MAP7D3: variants seen among roughly 807,000 people sequenced by gnomAD.
MAP7D3 encodes MAP7 domain containing 3, also known as MAP7 domain-containing protein 3.
Under a neutral mutation model 62.2 loss-of-function variants are expected in MAP7D3, and 45 were observed. The ratio of observed to expected loss-of-function variants is 0.72; its 90% CI spans 0.57 to 0.93. The LOEUF is 0.93. Ranked by LOEUF, MAP7D3 falls within the 40% of genes least tolerant of loss-of-function variation. The pLI, the probability that MAP7D3 is intolerant of heterozygous loss-of-function variation, is 0.00. For missense variants in MAP7D3, 711 were observed against 683.1 expected, an observed-to-expected ratio of 1.04 and a Z score of -0.45; for synonymous variants, 288 against 248.8, an observed-to-expected ratio of 1.16 and a Z score of -1.48.
At position 136,244,809 on chromosome X, in the gene MAP7D3, A is replaced by C; in HGVS notation, c.254-14T>G. ...TTTCTTTATTGGCTGAAATATTCCA[A>C]ATACATTTTCAAGGTGTAAGAGCCA... is the stretch of plus-strand genomic sequence containing the variant. On this transcript the variant is annotated splice_polypyrimidine_tract_variant and intron_variant, in intron 3 of 18. Coordinates refer to ENST00000316077, the MANE Select transcript of MAP7D3 (RefSeq NM_024597.4). 8.5e-7 allele frequency: 1 copy of C among 1,169,929 alleles called. No individual in the cohort carries two copies. Among genetic ancestry groups the C allele is most frequent in the Non-Finnish European group, 1.1e-6 (1 of 870,022 alleles).
downstream of MAP7D3, among the ~76,000 whole-genome samples, chrX:136,215,385 T>C (rs1266436092): frequency 2.7e-5 from 3 of 111,546 alleles, no homozygotes; most frequent in Admixed American, 1.9e-4. Flanking sequence ...GAGAACCCTA[T>C]TGTGAACCAC....
At chrX:136,234,531 C>G (rs1291865947) in intron 7 of MAP7D3, among the ~76,000 whole-genome samples, 2 of 112,380 alleles carry the variant, frequency 1.8e-5, no homozygotes, top group African/African-American at 6.5e-5. Flanking sequence ...TACAAATTAC[C>G]TGTCTCCCAT....
chrX:136,224,972 G>A, intron 13 of MAP7D3, 92 bp from the exon 14 acceptor site: 1 of 578,711 alleles, frequency 1.7e-6, no homozygotes, highest in Non-Finnish European at 2.8e-6. Flanking sequence ...TTTCACAGAG[G>A]TGCACAATGG....
At chrX:136,221,667 T>C (rs1476934472) in intron 15 of MAP7D3, 1 of 112,846 alleles carries the variant, frequency 8.9e-6, no homozygotes, top group Non-Finnish European at 1.9e-5. Context: ...CTTTCCTCAA[T>C]GCCCTAAGGC....
intron 1 of MAP7D3, among the ~76,000 whole-genome samples, chrX:136,247,228 CAT>C (rs755891576): frequency 9.8e-5 from 11 of 112,281 alleles, no homozygotes; most frequent in Admixed American, 1.9e-4. Context: ...GGATGACACA[CAT>C]GAGTTATTAT....
At chrX:136,224,974 G>C in intron 13 of MAP7D3, 94 bp from the exon 14 acceptor site, 1 of 570,311 alleles carries the variant, frequency 1.8e-6, no homozygotes, top group Non-Finnish European at 2.8e-6. Flanking sequence ...TCACAGAGGT[G>C]CACAATGGCA....
rs191437836 is a variant in MAP7D3, at chrX:136,220,474, G to C, written c.2486+291C>G. 1.9e-3 allele frequency among the ~76,000 whole-genome samples: 211 copies of C among 112,393 alleles called. 2 individuals carry two copies. The South Asian group carries it at 0.063, about 34-fold the overall frequency. ...CCAATGTGAACAAAAGTAAAGTTTG[G>C]AGCCAGATGTATCTGGAATTGAATT... On this transcript the variant is annotated intron_variant, in intron 16 of 18. Coordinates refer to ENST00000316077, the MANE Select transcript of MAP7D3 (RefSeq NM_024597.4).
At chrX:136,214,759 G>A (rs1174691347), downstream of MAP7D3, 1 of 112,358 alleles carries the variant, frequency 8.9e-6, no homozygotes, top group Non-Finnish European at 1.9e-5. Context: ...CAATGACACA[G>A]GCGTAGAAAA....
At chrX:136,243,905 A>C (rs1241993763) in intron 4 of MAP7D3, among the ~76,000 whole-genome samples, 1 of 111,590 alleles carries the variant, frequency 9.0e-6, no homozygotes, top group Non-Finnish European at 1.9e-5. Context: ...GTACCACAAA[A>C]GACAAACTGA....
Position 136,229,092 on chromosome X carries a change from T to C in MAP7D3, c.1751-334A>G, listed in dbSNP as rs932037509. 10 of 123,243 alleles carry C rather than the reference T, an allele frequency of 8.1e-5. No individual in the cohort carries two copies. In the Admixed American group the frequency reaches 9.2e-4, roughly 11 times the overall value. 10.2% of individuals were successfully genotyped at this position (123,243 alleles called of 1,213,427 possible). A position where few individuals can be genotyped will look rare whatever the true frequency, so the allele number is the denominator to read the frequency against. ...CTGAATATAGAGGAAGACAAGCTTA[T>C]GCTCGGTCCAAACAAAGGGTACAAA... On this transcript the variant is annotated intron_variant, in intron 10 of 18. Coordinates refer to ENST00000316077, the MANE Select transcript of MAP7D3 (RefSeq NM_024597.4).
At chrX:136,242,359 T>G (rs1419494130) in intron 4 of MAP7D3, among the ~76,000 whole-genome samples, 1 of 111,428 alleles carries the variant, frequency 9.0e-6, no homozygotes. Flanking sequence ...CCAGGTCCCT[T>G]CTCACATCGT....
Position 136,218,485 on chromosome X carries a change from T to C in MAP7D3, c.*41A>G, listed in dbSNP as rs1324362885. Reference sequence around the variant, plus strand: ...TATTCATCTCCCAGGCTGAGTAAGGTTTACATATCTGACCAGAGGGAAAAG... The same window carrying C: ...TATTCATCTCCCAGGCTGAGTAAGGCTTACATATCTGACCAGAGGGAAAAG... On this transcript the variant is annotated 3_prime_UTR_variant, in exon 19 of 19. Transcript: ENST00000316077. 1 of 111,048 alleles carries C rather than the reference T, an allele frequency of 9.0e-6. No individual in the cohort carries two copies. The highest frequency in any genetic ancestry group is 1.9e-5 in the Non-Finnish European group (1 of 52,906). 9.2% of individuals were successfully genotyped at this position (111,048 alleles called of 1,213,427 possible).
intron 12 of MAP7D3, among the ~76,000 whole-genome samples, chrX:136,226,920 G>A (rs983417738): frequency 6.3e-5 from 7 of 110,540 alleles, no homozygotes; most frequent in African/African-American, 2.0e-4. Flanking sequence ...CCTGAGGTCA[G>A]GAGTTCAAGA....
chrX:136,254,211 A>G (rs1351708480), upstream of MAP7D3, among the ~76,000 whole-genome samples: 2 of 107,718 alleles, frequency 1.9e-5, no homozygotes, highest in Non-Finnish European at 3.9e-5. Context: ...CAGCCTCCCA[A>G]GTAGCAGGAA....
rs377132183 is a variant in MAP7D3 at position 136,224,840 on chromosome X, A to C, written c.2180T>G (p.Val727Gly). 5.1e-6 allele frequency: 6 copies of C among 1,177,978 alleles called. No individual in the cohort carries two copies. In the African/African-American group the frequency reaches 8.8e-5, roughly 17 times the overall value. ...TATGGAGACTACCTTTGAGGCATTC[A>C]CATCTGTCTTTCTTGTCCGCTTCAT... ...EIMKRTRKTD[V>G]NASKVTETSS... The change falls in exon 14 of 19, where the codon GTG becomes GGG. Residue 727 changes from valine to glycine, a missense_variant. Physicochemically the swap from Val to Gly is moderately radical, Grantham distance 109. Coordinates refer to ENST00000316077, the MANE Select transcript of MAP7D3 (RefSeq NM_024597.4).
chrX:136,228,595 A>G (rs769168805), intron 11 of MAP7D3, 28 bp downstream of exon 11: 11 of 1,171,861 alleles, frequency 9.4e-6, no homozygotes, highest in Non-Finnish European at 1.1e-5. Flanking sequence ...CAAGATTTAT[A>G]GTATAGGAAG....
chrX:136,243,469 CCAAGGAGG>C (rs2074411772), intron 4 of MAP7D3, among the ~76,000 whole-genome samples: 1 of 111,529 alleles, frequency 9.0e-6, no homozygotes, highest in African/African-American at 3.3e-5. Context: ...CTTTGGGAGG[CCAAGGAGG>C]GTGGATCACG....
intron 4 of MAP7D3, among the ~76,000 whole-genome samples, 198 bp from the exon 5 acceptor site, chrX:136,241,475 A>G (rs2074389341): frequency 8.9e-6 from 1 of 111,872 alleles, no homozygotes. Flanking sequence ...TGGACCTTGC[A>G]TTAAGAAAAT....
intron 4 of MAP7D3, 139 bp downstream of exon 4, chrX:136,244,493 A>C: frequency 1.9e-6 from 1 of 514,137 alleles, no homozygotes; most frequent in South Asian, 3.7e-5. Flanking sequence ...TGCTGAGGGG[A>C]AGAGGAAGCG....
Sources: gnomAD v4.1 joint callset for allele counts (sites outside exome capture counted in the v4.1 genomes callset) on GRCh38, gnomAD v4.1.1 for gene constraint, MANE v1.5 for transcripts, NCBI Gene and HGNC (gene_info 2026-07-23, HGNC 2026-07-21) for gene names.